Variants in CCDC14 observed in about 807,000 individuals in gnomAD.
CCDC14 encodes coiled-coil domain containing 14, also known as coiled-coil domain-containing protein 14.
A neutral mutation model predicts 81.4 loss-of-function variants in CCDC14; 71 were observed. The ratio of observed to expected loss-of-function variants is 0.87; its 90% CI spans 0.72 to 1.06. CCDC14 has a LOEUF of 1.06. Ranked by LOEUF, CCDC14 falls within the 50% of genes least tolerant of loss-of-function variation. The probability of loss-of-function intolerance (pLI) is 0.00; values close to 1 mark genes in which losing one functional copy is unlikely to be tolerated. For synonymous variants in CCDC14, 332 were observed against 364.8 expected, an observed-to-expected ratio of 0.91 and a Z score of 1.03; for missense variants, 1,046 against 1,047.3, an observed-to-expected ratio of 1.00 and a Z score of 0.02.
intron 12 of CCDC14, among the ~76,000 whole-genome samples, chr3:123,924,863 T>A (rs1432497605): frequency 6.6e-6 from 1 of 151,694 alleles, no homozygotes; most frequent in Non-Finnish European, 1.5e-5. Context: ...CAAAAATGTA[T>A]AAATAGAACT....
At chr3:123,933,589 C>A (rs936822841) in intron 10 of CCDC14, 84 bp downstream of exon 10, 82 of 933,582 alleles carry the variant, frequency 8.8e-5, no homozygotes, top group Non-Finnish European at 1.2e-4. Context: ...TTTATCCCCT[C>A]AAAGTAATTA....
downstream of CCDC14, among the ~76,000 whole-genome samples, chr3:123,895,240 C>A (rs2034042112): frequency 6.6e-6 from 1 of 152,164 alleles, no homozygotes; most frequent in East Asian, 1.9e-4. Flanking sequence ...ACATCCGCTG[C>A]ACTTCCTTCC....
chr3:123,945,137 T>C (rs1474324585), intron 8 of CCDC14, 147 bp from the exon 9 acceptor site: 1 of 460,846 alleles, frequency 2.2e-6, no homozygotes, highest in African/African-American at 2.0e-5. Flanking sequence ...ATTATACAGG[T>C]TCCATTTTTC....
At chr3:123,941,705 A>G (rs1193820852) in intron 9 of CCDC14, among the ~76,000 whole-genome samples, 1 of 152,058 alleles carries the variant, frequency 6.6e-6, no homozygotes, top group African/African-American at 2.4e-5. Context: ...TCCTGTAAAG[A>G]CAGCCAGCCA....
chr3:123,949,246 T>A, intron 5 of CCDC14, 114 bp from the exon 6 acceptor site: 1 of 633,298 alleles, frequency 1.6e-6, no homozygotes, highest in Non-Finnish European at 2.8e-6. Context: ...ACATACTTCA[T>A]AGAAGGGCTT....
At chr3:123,951,558 C>A (rs889907716) in intron 5 of CCDC14, among the ~76,000 whole-genome samples, 2 of 152,144 alleles carry the variant, frequency 1.3e-5, no homozygotes, top group Admixed American at 1.3e-4. Flanking sequence ...GAGATCATAG[C>A]CCATGGCCAT....
intron 12 of CCDC14, among the ~76,000 whole-genome samples, chr3:123,925,513 G>A (rs1467013889): frequency 6.6e-6 from 1 of 151,980 alleles, no homozygotes; most frequent in South Asian, 2.1e-4. Context: ...TCAGCTCATC[G>A]CAACCTCTGC....
chr3:123,941,549 A>G (rs1192032323), intron 9 of CCDC14, among the ~76,000 whole-genome samples: 1 of 152,096 alleles, frequency 6.6e-6, no homozygotes, highest in Non-Finnish European at 1.5e-5. Flanking sequence ...ATAGATTACC[A>G]AAGTGGCACA....
downstream of CCDC14, among the ~76,000 whole-genome samples, chr3:123,893,658 G>T (rs377138606): frequency 6.6e-6 from 1 of 151,902 alleles, no homozygotes; most frequent in African/African-American, 2.4e-5. Context: ...GAACTGTTTC[G>T]ATGGCTGTAC....
chr3:123,885,712 T>C, the CCDC14 span, among the ~76,000 whole-genome samples: 1 of 152,184 alleles, frequency 6.6e-6, no homozygotes, highest in East Asian at 1.9e-4. Flanking sequence ...TGTGTTCTTT[T>C]CTTCAAGAGG....
chr3:123,961,151 G>A lies in CCDC14; in HGVS notation c.23C>T (p.Pro8Leu), dbSNP rs761924606. The change falls in exon 1 of 13, where the codon CCG becomes CTG. Residue 8 changes from proline to leucine, a missense_variant. By Grantham distance (98) the Pro-to-Leu change is moderately conservative. Transcript: ENST00000409697. MVRSGAR[P>L]GQVLSSGRHT... ...CAGGTCCTCAGCCCTCACCTGGCCC[G>A]GTCGAGCTCCAGACCTGACCATCTC... 4.5e-6 allele frequency: 7 copies of A among 1,551,306 alleles called. No homozygotes were observed. The highest frequency in any genetic ancestry group is 2.4e-5 in the East Asian group (1 of 40,936).
the CCDC14 span, among the ~76,000 whole-genome samples, chr3:123,891,104 G>C: frequency 3.3e-5 from 5 of 152,322 alleles, no homozygotes; most frequent in East Asian, 9.7e-4. Context: ...TTAGCCAGCT[G>C]GAACAGCTGG....
At chr3:123,902,386 C>T (rs1035461809) in intron 5 of CCDC14, among the ~76,000 whole-genome samples, 9 of 152,158 alleles carry the variant, frequency 5.9e-5, no homozygotes, top group East Asian at 1.9e-4. Flanking sequence ...ACCAACATCA[C>T]GAAGAGGGAG....
At chr3:123,897,550 A>G (rs780860049) in exon 6 of CCDC14, 57 of 1,084,596 alleles carry the variant, frequency 5.3e-5, no homozygotes, top group Non-Finnish European at 6.7e-5. Flanking sequence ...TCCGTAGTTC[A>G]TGTACTGTAT....
At chr3:123,910,650 G>T (rs1269984984), downstream of CCDC14, among the ~76,000 whole-genome samples, 1 of 151,860 alleles carries the variant, frequency 6.6e-6, no homozygotes, top group East Asian at 1.9e-4. Flanking sequence ...GCAAATGTTT[G>T]CCAGTAAGTG....
chr3:123,887,109 A>T, the CCDC14 span, among the ~76,000 whole-genome samples: 1 of 152,100 alleles, frequency 6.6e-6, no homozygotes, highest in Non-Finnish European at 1.5e-5. Context: ...TTTTTTTTGC[A>T]TATGCTATCC....
intron 7 of CCDC14, among the ~76,000 whole-genome samples, chr3:123,947,576 A>G (rs2036724526): frequency 6.6e-6 from 1 of 152,106 alleles, no homozygotes; most frequent in African/African-American, 2.4e-5. Flanking sequence ...GTTTGTGCAA[A>G]AACTTTTTGT....
At chr3:123,900,288 T>C (rs148443713) in intron 5 of CCDC14, among the ~76,000 whole-genome samples, 2 of 152,340 alleles carry the variant, frequency 1.3e-5, no homozygotes, top group Non-Finnish European at 2.9e-5. Context: ...CAGCATGTTT[T>C]ATAACGGTCT....
the CCDC14 span, among the ~76,000 whole-genome samples, chr3:123,892,278 G>T: frequency 2.0e-5 from 3 of 152,200 alleles, no homozygotes; most frequent in African/African-American, 4.8e-5. Flanking sequence ...AGGCTTGTGG[G>T]TTGCACCCTC....
Sources: allele counts gnomAD v4.1 joint callset (sites outside exome capture counted in the v4.1 genomes callset), GRCh38; gene constraint gnomAD v4.1.1; transcripts MANE v1.5; gene names NCBI Gene and HGNC (gene_info 2026-07-23, HGNC 2026-07-21).